LMBR1: variants seen among roughly 807,000 people sequenced by gnomAD.
LMBR1 encodes limb development membrane protein 1.
In LMBR1, 52 loss-of-function variants were observed where a neutral mutation model predicts 73.9. The observed-to-expected ratio is 0.70, with a 90% CI of 0.56 to 0.89. The LOEUF (loss-of-function observed/expected upper bound fraction) is 0.89. Among genes scored for constraint, LMBR1 ranks in the 40% least tolerant of loss-of-function variants. The pLI, the probability that LMBR1 is intolerant of heterozygous loss-of-function variation, is 0.00. For synonymous variants in LMBR1, 215 were observed against 209.4 expected, an observed-to-expected ratio of 1.03 and a Z score of -0.23; for missense variants, 539 against 579.8, an observed-to-expected ratio of 0.93 and a Z score of 0.72.
intron 10 of LMBR1, among the ~76,000 whole-genome samples, chr7:156,730,753 T>C (rs962307673): frequency 6.6e-6 from 1 of 152,090 alleles, no homozygotes. Flanking sequence ...CTGGCCAACA[T>C]GGTAAAACCC....
intron 4 of LMBR1, among the ~76,000 whole-genome samples, chr7:156,824,161 ATG>A (rs1563457459): frequency 1.3e-5 from 2 of 151,830 alleles, no homozygotes; most frequent in African/African-American, 4.8e-5. Flanking sequence ...CGCTGAAAAA[ATG>A]TGGAGTTTTC....
intron 5 of LMBR1, among the ~76,000 whole-genome samples, chr7:156,791,014 T>C (rs1829128030): frequency 6.6e-6 from 1 of 152,220 alleles, no homozygotes; most frequent in African/African-American, 2.4e-5. Flanking sequence ...TAAAAACTAG[T>C]GCTCTCAATT....
intron 8 of LMBR1, among the ~76,000 whole-genome samples, chr7:156,759,761 T>C (rs1198726590): frequency 6.6e-6 from 1 of 151,874 alleles, no homozygotes; most frequent in East Asian, 2.0e-4. Context: ...TTTTTACTTC[T>C]ATAGAAGGGT....
At position 156,681,498 on chromosome 7, in the gene LMBR1, C is replaced by T. The variant is rs562094507; in HGVS notation, c.*2580G>A. 1 of 155,770 alleles carries T rather than the reference C, an allele frequency of 6.4e-6. No homozygotes were observed. The highest frequency in any genetic ancestry group is 1.9e-4 in the East Asian group (1 of 5,210). The allele number at this position is 155,770 out of a possible 1,614,324, so 9.6% of individuals were successfully genotyped here. A position where few individuals can be genotyped will look rare whatever the true frequency, so the allele number is the denominator to read the frequency against. ...CTTGGAAAATCAGTAAAAATTAATA[C>T]AAATGTTATAATCTGAAAACTTATA... On this transcript the variant is annotated 3_prime_UTR_variant, in exon 17 of 17. Transcript: ENST00000353442.
intron 5 of LMBR1, among the ~76,000 whole-genome samples, chr7:156,788,010 G>T (rs932492701): frequency 6.6e-6 from 1 of 152,210 alleles, no homozygotes; most frequent in Non-Finnish European, 1.5e-5. Flanking sequence ...CTGACCTCAG[G>T]TAATCCACCT....
At chr7:156,728,091 T>C (rs1315154049) in intron 11 of LMBR1, 84 bp from the exon 12 acceptor site, 3 of 1,065,818 alleles carry the variant, frequency 2.8e-6, no homozygotes, top group Non-Finnish European at 4.2e-6. Context: ...AATACACGTT[T>C]CAGAATAGAG....
chr7:156,783,753 C>CA (rs948995353), intron 5 of LMBR1, among the ~76,000 whole-genome samples: 57 of 152,098 alleles, frequency 3.7e-4, no homozygotes, highest in Non-Finnish European at 1.3e-4. Context: ...GACTCATGTA[C>CA]AGGTAGTGCA....
At chr7:156,720,516 T>C (rs957978105) in intron 15 of LMBR1, among the ~76,000 whole-genome samples, 9 of 152,142 alleles carry the variant, frequency 5.9e-5, no homozygotes, top group African/African-American at 2.2e-4. Flanking sequence ...CTCTCTTAAC[T>C]GTTTTAGACA....
At chr7:156,820,453 T>A (rs975876050) in intron 4 of LMBR1, among the ~76,000 whole-genome samples, 4 of 152,194 alleles carry the variant, frequency 2.6e-5, no homozygotes, top group Admixed American at 2.6e-4. Context: ...GTTGACGATA[T>A]TTTGCTGATT....
At chr7:156,725,048 A>T (rs73166110) in intron 14 of LMBR1, among the ~76,000 whole-genome samples, 1 of 152,124 alleles carries the variant, frequency 6.6e-6, no homozygotes. Context: ...TAATTATTCA[A>T]ATTTGAAATA....
In LMBR1 at chr7:156,893,017, C is replaced by T. The variant is rs1803459764; in HGVS notation, c.-24G>A. ...ATCCTCCTTCATGCCCGCCGCCGCGCCGCCCGCGTCCGCGTGCTCCGCCAC... is the reference window on the plus strand; with the variant it reads ...ATCCTCCTTCATGCCCGCCGCCGCGTCGCCCGCGTCCGCGTGCTCCGCCAC... On this transcript the variant is annotated 5_prime_UTR_variant, in exon 1 of 17. Coordinates refer to ENST00000353442, the MANE Select transcript of LMBR1 (RefSeq NM_022458.4). 4.0e-6 allele frequency: 6 copies of T among 1,485,028 alleles called. No homozygotes were observed. Among genetic ancestry groups the T allele is most frequent in the Non-Finnish European group, 5.3e-6 (6 of 1,123,018 alleles). The allele number at this position is 1,485,028 out of a possible 1,614,324, so 92.0% of individuals were successfully genotyped here.
At chr7:156,886,474 C>T (rs1393981518) in intron 1 of LMBR1, among the ~76,000 whole-genome samples, 3 of 152,132 alleles carry the variant, frequency 2.0e-5, no homozygotes, top group Admixed American at 1.3e-4. Context: ...AGTCAGATGG[C>T]GAAGCAGGGA....
At position 156,708,735 on chromosome 7, in the gene LMBR1, G is replaced by A. The variant is rs557518632; in HGVS notation, c.1225+15377C>T. Among the ~76,000 whole-genome samples the A allele has an allele frequency of 1.9e-4, 29 of 152,306 alleles. No individual in the cohort carries two copies. In the Middle Eastern group the frequency reaches 0.01, roughly 54 times the overall value. Reference sequence around the variant, plus strand: ...CAGATAAGAGCACAGAAGCCACCACGGACAGTGTGGGCAGATGGGGAAGGG... The same window carrying A: ...CAGATAAGAGCACAGAAGCCACCACAGACAGTGTGGGCAGATGGGGAAGGG... On this transcript the variant is annotated intron_variant, in intron 15 of 16. Transcript: ENST00000353442.
At chr7:156,763,226 T>G (rs1354002831) in intron 6 of LMBR1, 50 bp from the exon 7 acceptor site, 2 of 750,560 alleles carry the variant, frequency 2.7e-6, no homozygotes. Context: ...TACTGCACAT[T>G]AAGATAGTCA....
intron 4 of LMBR1, among the ~76,000 whole-genome samples, chr7:156,802,000 T>G (rs1831079195): frequency 6.6e-6 from 1 of 152,180 alleles, no homozygotes; most frequent in African/African-American, 2.4e-5. Context: ...CTTTTTTTTT[T>G]CAGATGGAGT....
intron 15 of LMBR1, among the ~76,000 whole-genome samples, chr7:156,720,862 T>G (rs1814405998): frequency 6.6e-6 from 1 of 152,044 alleles, no homozygotes; most frequent in Non-Finnish European, 1.5e-5. Flanking sequence ...TAAGCCTCTG[T>G]GAAAGCATTG....
chr7:156,766,691 C>T (rs979501304), intron 5 of LMBR1, among the ~76,000 whole-genome samples: 1 of 151,952 alleles, frequency 6.6e-6, no homozygotes, highest in African/African-American at 2.4e-5. Flanking sequence ...GTGTGCTCAC[C>T]CAAGTGGTGG....
chr7:156,808,927 G>C (rs2133574922), intron 4 of LMBR1, among the ~76,000 whole-genome samples: 1 of 152,290 alleles, frequency 6.6e-6, no homozygotes, highest in African/African-American at 2.4e-5. Flanking sequence ...TCACAACAGT[G>C]TGCTTCCGTG....
chr7:156,784,127 G>A (rs1052068154), intron 5 of LMBR1, among the ~76,000 whole-genome samples: 1 of 151,376 alleles, frequency 6.6e-6, no homozygotes, highest in Non-Finnish European at 1.5e-5. Context: ...ATATCCTTAA[G>A]TTTTTCTGTT....
Sources: allele counts gnomAD v4.1 joint callset (sites outside exome capture counted in the v4.1 genomes callset), GRCh38; gene constraint gnomAD v4.1.1; transcripts MANE v1.5; gene names NCBI Gene and HGNC (gene_info 2026-07-23, HGNC 2026-07-21).